TLL1: variants seen among roughly 807,000 people sequenced by gnomAD.
The protein encoded by TLL1 is tolloid like 1.
TLL1 carries 49 observed loss-of-function variants against 128.2 expected under a neutral mutation model. The observed-to-expected ratio is 0.38, with a 90% confidence interval of 0.30 to 0.48. The LOEUF is 0.48. TLL1 is among the 20% of genes least tolerant of loss of function. The probability of loss-of-function intolerance (pLI) is 0.96; values close to 1 mark genes in which losing one functional copy is unlikely to be tolerated. For missense variants in TLL1, 1,123 were observed against 1,242.0 expected, an observed-to-expected ratio of 0.90 and a Z score of 1.44; for synonymous variants, 454 against 418.8, an observed-to-expected ratio of 1.08 and a Z score of -1.03.
In TLL1 at chr4:165,878,495, C is replaced by T. The variant is rs370855998; in HGVS notation, c.169+4422C>T. Among the ~76,000 whole-genome samples, 18 of 152,104 alleles carry T rather than the reference C, an allele frequency of 1.2e-4. 1 individual carries two copies. The highest frequency in any genetic ancestry group is 4.6e-4 in the Admixed American group (7 of 15,284). On this transcript the variant is annotated intron_variant, in intron 1 of 20. Transcript: ENST00000061240. ...TGCTCCTGGTTTGTCAGTAGTAAGT[C>T]GTTAGTCCTTGTCTTGAGGGCCCAC...
intron 1 of TLL1, among the ~76,000 whole-genome samples, chr4:165,881,550 T>C (rs1432554011): frequency 6.6e-6 from 1 of 152,134 alleles, no homozygotes; most frequent in East Asian, 2.0e-4. Flanking sequence ...TTAGTGTTCT[T>C]GCGTTTTTAT....
At chr4:166,098,449 T>G (rs1389189351) in intron 19 of TLL1, among the ~76,000 whole-genome samples, 2 of 152,084 alleles carry the variant, frequency 1.3e-5, no homozygotes, top group Non-Finnish European at 2.9e-5. Flanking sequence ...TATGGACACT[T>G]ATTTATTTCT....
At chr4:165,969,245 T>C (rs1339458383) in intron 1 of TLL1, among the ~76,000 whole-genome samples, 2 of 152,130 alleles carry the variant, frequency 1.3e-5, no homozygotes, top group Non-Finnish European at 2.9e-5. Context: ...TTTTAATTTG[T>C]TTCCTGATGG....
chr4:165,938,258 T>C (rs1325570664), intron 1 of TLL1, among the ~76,000 whole-genome samples: 1 of 152,114 alleles, frequency 6.6e-6, no homozygotes, highest in Non-Finnish European at 1.5e-5. Context: ...TCAGAAGCCA[T>C]TCTGAGTCAT....
At chr4:165,914,005 G>C (rs1732663438) in intron 1 of TLL1, among the ~76,000 whole-genome samples, 1 of 150,142 alleles carries the variant, frequency 6.7e-6, no homozygotes, top group South Asian at 2.1e-4. Flanking sequence ...CTGGGTGACA[G>C]AGTGAGACCT....
intron 1 of TLL1, among the ~76,000 whole-genome samples, chr4:165,911,325 C>T: frequency 6.6e-6 from 1 of 152,156 alleles, no homozygotes. Flanking sequence ...TTACACTTAA[C>T]ATAATGATCT....
intron 9 of TLL1, among the ~76,000 whole-genome samples, chr4:166,027,528 T>G (rs940412865): frequency 6.6e-6 from 1 of 152,206 alleles, no homozygotes; most frequent in East Asian, 1.9e-4. Flanking sequence ...TACAACTGAC[T>G]TGGAATACAT....
At chr4:165,959,491 A>C (rs370374761) in intron 1 of TLL1, among the ~76,000 whole-genome samples, 1 of 152,048 alleles carries the variant, frequency 6.6e-6, no homozygotes, top group East Asian at 1.9e-4. Flanking sequence ...GGCCAGTTGC[A>C]TCTAATAGAC....
At chr4:166,063,670 G>C (rs1255476029) in intron 15 of TLL1, among the ~76,000 whole-genome samples, 2 of 152,216 alleles carry the variant, frequency 1.3e-5, no homozygotes, top group East Asian at 3.9e-4. Context: ...CATAAAAAAT[G>C]ATGAGTTCAT....
intron 8 of TLL1, among the ~76,000 whole-genome samples, chr4:166,020,483 G>A (rs939216717): frequency 6.6e-6 from 1 of 152,100 alleles, no homozygotes; most frequent in Admixed American, 6.6e-5. Flanking sequence ...GAGTTGTAAC[G>A]TATTTTCTCT....
At chr4:165,904,752 C>A (rs1248352654) in intron 1 of TLL1, among the ~76,000 whole-genome samples, 1 of 152,126 alleles carries the variant, frequency 6.6e-6, no homozygotes, top group Non-Finnish European at 1.5e-5. Context: ...CTTTTCAATT[C>A]ACATCTTTGA....
intron 1 of TLL1, among the ~76,000 whole-genome samples, chr4:165,965,587 G>A (rs1735326910): frequency 6.6e-6 from 1 of 152,168 alleles, no homozygotes; most frequent in African/African-American, 2.4e-5. Flanking sequence ...AAAGGTTTTG[G>A]AGGTAAATAG....
chr4:166,099,132 C>T, intron 19 of TLL1, 145 bp from the exon 20 acceptor site: 2 of 1,313,874 alleles, frequency 1.5e-6, no homozygotes, highest in East Asian at 2.4e-5. Flanking sequence ...CTATCTGACT[C>T]TCCAGTTGTG....
intron 1 of TLL1, among the ~76,000 whole-genome samples, chr4:165,982,736 T>TAA (rs5863791): frequency 0.056 from 7,675 of 137,668 alleles, 636 homozygotes; most frequent in African/African-American, 0.19. Flanking sequence ...GCAATGTATG[T>TAA]AAAAAAAAAA....
intron 7 of TLL1, among the ~76,000 whole-genome samples, chr4:166,014,222 G>A (rs1446226437): frequency 6.6e-6 from 1 of 151,850 alleles, no homozygotes; most frequent in Non-Finnish European, 1.5e-5. Context: ...ACAAATGAAT[G>A]TCATCATTGA....
At chr4:165,987,504 A>G (rs1736441624) in intron 1 of TLL1, among the ~76,000 whole-genome samples, 1 of 151,526 alleles carries the variant, frequency 6.6e-6, no homozygotes, top group East Asian at 1.9e-4. Context: ...TATTCTGTAC[A>G]CTCTTTGTGG....
At chr4:165,887,799 T>A (rs796942177) in intron 1 of TLL1, among the ~76,000 whole-genome samples, 1 of 152,216 alleles carries the variant, frequency 6.6e-6, no homozygotes, top group African/African-American at 2.4e-5. Flanking sequence ...TAACATGGTA[T>A]ATATCTGTAT....
intron 8 of TLL1, among the ~76,000 whole-genome samples, chr4:166,017,632 G>T (rs1037921476): frequency 4.0e-5 from 6 of 151,790 alleles, no homozygotes; most frequent in Admixed American, 1.3e-4. Context: ...TAGCTATTTT[G>T]ATTGGTATGA....
At chr4:166,075,799 GT>G (rs1740995144) in intron 17 of TLL1, among the ~76,000 whole-genome samples, 1 of 152,108 alleles carries the variant, frequency 6.6e-6, no homozygotes. Flanking sequence ...TCTAACCACA[GT>G]TAGATAAGAA....
Sources: allele counts gnomAD v4.1 joint callset (sites outside exome capture counted in the v4.1 genomes callset), GRCh38; gene constraint gnomAD v4.1.1; transcripts MANE v1.5; gene names NCBI Gene and HGNC (gene_info 2026-07-23, HGNC 2026-07-21).